Variants in ROPN1 observed in about 807,000 individuals in gnomAD.
The protein encoded by ROPN1 is rhophilin associated tail protein 1.
A neutral mutation model predicts 20.5 loss-of-function variants in ROPN1; 14 were observed. The ratio of observed to expected loss-of-function variants is 0.68; its 90% CI spans 0.45 to 1.07. The LOEUF (loss-of-function observed/expected upper bound fraction) is 1.07. Ranked by LOEUF, ROPN1 falls within the 50% of genes least tolerant of loss-of-function variation. The probability of loss-of-function intolerance (pLI) is 0.00; values close to 1 mark genes in which losing one functional copy is unlikely to be tolerated. For missense variants in ROPN1, 169 were observed against 242.8 expected, an observed-to-expected ratio of 0.70 and a Z score of 2.02; for synonymous variants, 76 against 95.7, an observed-to-expected ratio of 0.79 and a Z score of 1.20.
At chr3:123,976,741 T>A in intron 3 of ROPN1, 123 bp downstream of exon 3, 2 of 846,490 alleles carry the variant, frequency 2.4e-6, no homozygotes, top group Non-Finnish European at 3.7e-6. Context: ...CACGGTTTAG[T>A]GTATTTTAGG....
At chr3:123,989,105 A>G (rs2038339169) in intron 1 of ROPN1, among the ~76,000 whole-genome samples, 4 of 152,270 alleles carry the variant, frequency 2.6e-5, no homozygotes, top group South Asian at 2.1e-4. Context: ...TTCAGTAAGC[A>G]TATGTGTACT....
chr3:123,985,992 C>CAAAAAAAAAAAAAAAAAAAAAAA (rs35677015), intron 1 of ROPN1, among the ~76,000 whole-genome samples: 4 of 22,138 alleles, frequency 1.8e-4, no homozygotes, highest in African/African-American at 3.6e-4. Context: ...GACCTTGTCT[C>CAAAAAAAAAAAAAAAAAAAAAAA]AAAAAAAAAA....
chr3:123,979,115 G>A (rs1207882706), intron 2 of ROPN1: 5 of 194,594 alleles, frequency 2.6e-5, no homozygotes, highest in South Asian at 8.9e-5. Flanking sequence ...ACTAAACAGG[G>A]CTCATTACTA....
At chr3:123,990,347 G>A (rs1463243767) in intron 1 of ROPN1, among the ~76,000 whole-genome samples, 1 of 151,890 alleles carries the variant, frequency 6.6e-6, no homozygotes, top group Non-Finnish European at 1.5e-5. Context: ...AAGAGGTGAA[G>A]GACAGAAAAG....
At chr3:123,983,527 T>A (rs754205616) in intron 1 of ROPN1, among the ~76,000 whole-genome samples, 1 of 152,236 alleles carries the variant, frequency 6.6e-6, no homozygotes, top group Non-Finnish European at 1.5e-5. Context: ...TTAGTCAGTA[T>A]AGAGCAAACT....
Position 123,980,400 on chromosome 3 carries a change from C to T in ROPN1, c.82G>A (p.Val28Met). 2.5e-6 allele frequency: 4 copies of T among 1,614,174 alleles called. No individual in the cohort carries two copies. Among genetic ancestry groups the T allele is most frequent in the Non-Finnish European group, 3.4e-6 (4 of 1,180,034 alleles). The change falls in exon 2 of 6, where the codon GTG becomes ATG. Residue 28 changes from valine (V) to methionine (M), a missense_variant. Transcript: ENST00000405845. ...CACTGGATGAGGTCCTGCGGCTGCA[C>T]CCTAATGGCGGCTTTGGCAAACTCC... ...LKEFAKAAIR[V>M]QPQDLIQWAA...
chr3:123,971,065 C>G (rs2037905629), intron 4 of ROPN1, among the ~76,000 whole-genome samples: 1 of 152,200 alleles, frequency 6.6e-6, no homozygotes, highest in South Asian at 2.1e-4. Flanking sequence ...TCCTGACACT[C>G]TTCCAGGGAT....
chr3:123,976,744 ATT>A lies in ROPN1; in HGVS notation c.234+118_234+119del, dbSNP rs1029371388. 68 of 903,178 alleles carry A rather than the reference ATT, an allele frequency of 7.5e-5. No homozygotes were observed. The African/African-American group carries it at 1.0e-3, about 13-fold the overall frequency. 55.9% of individuals were successfully genotyped at this position (903,178 alleles called of 1,614,324 possible). A position where few individuals can be genotyped will look rare whatever the true frequency, so the allele number is the denominator to read the frequency against. ...TTACTTTCAGTCCACGGTTTAGTGT[ATT>A]TTAGGGTGGTGCTAAGTGGTCAGCT... On this transcript the variant is annotated intron_variant, in intron 3 of 5. Coordinates refer to ENST00000405845, the MANE Select transcript of ROPN1 (RefSeq NM_001317774.2).
At chr3:123,988,413 T>C (rs571824872) in intron 1 of ROPN1, among the ~76,000 whole-genome samples, 2 of 152,298 alleles carry the variant, frequency 1.3e-5, no homozygotes, top group Admixed American at 1.3e-4. Context: ...TCTGATTTCA[T>C]TATAGCATTC....
chr3:123,980,543 G>A, intron 1 of ROPN1, 50 bp from the exon 2 acceptor site: 1 of 1,560,848 alleles, frequency 6.4e-7, no homozygotes, highest in Non-Finnish European at 8.8e-7. Context: ...CGATTCATAC[G>A]ATGAGAGCAA....
rs1016353336 is a variant in ROPN1, at chr3:123,969,052, A to G, written c.*103T>C. 1 of 876,194 alleles carries G rather than the reference A, an allele frequency of 1.1e-6. No homozygotes were observed. Among genetic ancestry groups the G allele is most frequent in the African/African-American group, 1.7e-5 (1 of 60,264 alleles). 54.3% of individuals were successfully genotyped at this position (876,194 alleles called of 1,614,324 possible). ...TATGTTTAATTGTTTATTAGTGTGT[A>G]CCAGTTGTACAAGAAAATTGATTTT... On this transcript the variant is annotated 3_prime_UTR_variant, in exon 6 of 6. Coordinates refer to ENST00000405845, the MANE Select transcript of ROPN1 (RefSeq NM_001317774.2).
At chr3:123,974,148 C>G (rs1231745765) in intron 4 of ROPN1, among the ~76,000 whole-genome samples, 1 of 151,956 alleles carries the variant, frequency 6.6e-6, no homozygotes, top group Non-Finnish European at 1.5e-5. Flanking sequence ...TGGGGTAGAC[C>G]AAGAAGATCC....
chr3:123,980,533 C>G (rs769558896), intron 1 of ROPN1, 40 bp from the exon 2 acceptor site: 1 of 1,581,828 alleles, frequency 6.3e-7, no homozygotes, highest in Non-Finnish European at 8.6e-7. Context: ...ATGAAAACTT[C>G]GATTCATACG....
rs2038420521 is a variant in ROPN1, at chr3:123,991,902, C to T, written c.-13+20G>A. ...CGCTCAGAGCCCTGCCCTCCCTCCA[C>T]TTCCCCTCGGGGTGGCTACCTCAGG... On this transcript the variant is annotated intron_variant, in intron 1 of 5. Coordinates refer to ENST00000405845, the MANE Select transcript of ROPN1 (RefSeq NM_001317774.2). 3 of 141,564 alleles carry T rather than the reference C, an allele frequency of 2.1e-5. No individual in the cohort carries two copies. Among genetic ancestry groups the T allele is most frequent in the African/African-American group, 5.0e-5 (2 of 40,222 alleles). 8.8% of individuals were successfully genotyped at this position (141,564 alleles called of 1,614,324 possible).
chr3:123,977,296 C>CT (rs2038044960), intron 2 of ROPN1, among the ~76,000 whole-genome samples: 1 of 152,132 alleles, frequency 6.6e-6, no homozygotes, highest in African/African-American at 2.4e-5. Flanking sequence ...TCAGTCATCT[C>CT]TGAGTGTTTT....
chr3:123,969,621 C>T (rs1299874796), intron 5 of ROPN1, among the ~76,000 whole-genome samples: 1 of 152,172 alleles, frequency 6.6e-6, no homozygotes, highest in Non-Finnish European at 1.5e-5. Context: ...TTTCTTTTAA[C>T]CTTTGACTGC....
intron 2 of ROPN1, 109 bp downstream of exon 2, chr3:123,980,257 C>T: frequency 1.1e-6 from 1 of 928,154 alleles, no homozygotes; most frequent in Non-Finnish European, 1.7e-6. Flanking sequence ...AAAGACGATG[C>T]CAGTTAGTCC....
chr3:123,991,785 T>G (rs1225391600), intron 1 of ROPN1, 137 bp downstream of exon 1: 3 of 152,584 alleles, frequency 2.0e-5, no homozygotes, highest in African/African-American at 7.2e-5. Flanking sequence ...GAAGATCCCC[T>G]TGCCTTCCCC....
intron 1 of ROPN1, among the ~76,000 whole-genome samples, chr3:123,982,790 G>T (rs772280596): frequency 3.3e-5 from 5 of 152,056 alleles, no homozygotes; most frequent in Admixed American, 6.6e-5. Context: ...CATTCACATT[G>T]TTGTGCCACA....
Sources: allele counts gnomAD v4.1 joint callset (sites outside exome capture counted in the v4.1 genomes callset), GRCh38; gene constraint gnomAD v4.1.1; transcripts MANE v1.5; gene names NCBI Gene and HGNC (gene_info 2026-07-23, HGNC 2026-07-21).